SUGCT: variants seen among roughly 807,000 people sequenced by gnomAD.
The protein encoded by SUGCT is succinyl-CoA:glutarate-CoA transferase.
In SUGCT, 41 loss-of-function variants were observed where a neutral mutation model predicts 55.0. That is an observed-to-expected ratio of 0.74 (90% confidence interval 0.58 to 0.97). The LOEUF (loss-of-function observed/expected upper bound fraction) is 0.97. Among genes scored for constraint, SUGCT ranks in the 50% least tolerant of loss-of-function variants. SUGCT has a pLI of 0.00. For synonymous variants in SUGCT, 187 were observed against 200.4 expected, an observed-to-expected ratio of 0.93 and a Z score of 0.56; for missense variants, 568 against 547.8, an observed-to-expected ratio of 1.04 and a Z score of -0.37.
At chr7:40,957,318 A>G in the SUGCT span, among the ~76,000 whole-genome samples, 2 of 152,066 alleles carry the variant, frequency 1.3e-5, no homozygotes, top group African/African-American at 2.4e-5. Context: ...GGGTGCATAT[A>G]TATATTTAGG....
chr7:40,489,782 A>T (rs1253016000), intron 11 of SUGCT, among the ~76,000 whole-genome samples: 1 of 152,146 alleles, frequency 6.6e-6, no homozygotes, highest in Non-Finnish European at 1.5e-5. Flanking sequence ...CATGCACTTC[A>T]CTGATCTCTA....
intron 13 of SUGCT, among the ~76,000 whole-genome samples, chr7:40,754,590 G>A (rs1420337796): frequency 2.0e-5 from 3 of 152,194 alleles, no homozygotes; most frequent in South Asian, 4.1e-4. Flanking sequence ...TAGGTTGAGT[G>A]TTTCCTTGGA....
chr7:40,984,494 C>G, the SUGCT span, among the ~76,000 whole-genome samples: 1 of 152,060 alleles, frequency 6.6e-6, no homozygotes, highest in Non-Finnish European at 1.5e-5. Flanking sequence ...GCTTGTCTAC[C>G]CTATTATGCT....
chr7:40,595,021 A>G (rs1390343234), intron 12 of SUGCT, among the ~76,000 whole-genome samples: 2 of 152,212 alleles, frequency 1.3e-5, no homozygotes, highest in Non-Finnish European at 1.5e-5. Context: ...GGCCCTGAAT[A>G]TGAAAAAAGA....
chr7:40,657,319 A>C (rs1274261071), intron 12 of SUGCT, among the ~76,000 whole-genome samples: 1 of 152,122 alleles, frequency 6.6e-6, no homozygotes, highest in East Asian at 1.9e-4. Flanking sequence ...TAATTTTTCC[A>C]TGGTAGTGGT....
At chr7:40,313,280 T>C (rs1795258026) in intron 8 of SUGCT, among the ~76,000 whole-genome samples, 1 of 152,208 alleles carries the variant, frequency 6.6e-6, no homozygotes, top group Non-Finnish European at 1.5e-5. Flanking sequence ...GGAATGAAAG[T>C]AATGATCTAA....
At chr7:40,560,983 A>G (rs867389785) in intron 12 of SUGCT, among the ~76,000 whole-genome samples, 4 of 152,212 alleles carry the variant, frequency 2.6e-5, no homozygotes, top group African/African-American at 9.7e-5. Context: ...ATCCTTTGGG[A>G]AATGTTTTGA....
At chr7:40,393,038 A>G (rs994379744) in intron 9 of SUGCT, among the ~76,000 whole-genome samples, 24 of 152,324 alleles carry the variant, frequency 1.6e-4, no homozygotes, top group African/African-American at 5.3e-4. Flanking sequence ...GTGATAGTCA[A>G]CAGAAATTGA....
chr7:40,644,160 G>A (rs1044658607), intron 12 of SUGCT, among the ~76,000 whole-genome samples: 14 of 152,176 alleles, frequency 9.2e-5, no homozygotes, highest in Non-Finnish European at 1.6e-4. Context: ...TAGGAGGGGG[G>A]AAAGATGGCG....
chr7:41,016,084 T>C, the SUGCT span, among the ~76,000 whole-genome samples: 1 of 152,212 alleles, frequency 6.6e-6, no homozygotes, highest in African/African-American at 2.4e-5. Flanking sequence ...AATGTTCCCA[T>C]GTTCTAACCA....
At chr7:40,961,613 G>T in the SUGCT span, among the ~76,000 whole-genome samples, 1 of 152,134 alleles carries the variant, frequency 6.6e-6, no homozygotes, top group African/African-American at 2.4e-5. Flanking sequence ...CCTTCTGGTG[G>T]GTTCTTGGTC....
the SUGCT span, among the ~76,000 whole-genome samples, chr7:40,997,471 T>A: frequency 6.6e-6 from 1 of 152,090 alleles, no homozygotes; most frequent in Non-Finnish European, 1.5e-5. Context: ...TAAGCTTTGA[T>A]CACCAGACTG....
At chr7:40,453,375 A>G (rs1789298335) in intron 10 of SUGCT, among the ~76,000 whole-genome samples, 1 of 152,248 alleles carries the variant, frequency 6.6e-6, no homozygotes, top group Non-Finnish European at 1.5e-5. Flanking sequence ...AGGCAACTGG[A>G]AAATGCTAGA....
intron 13 of SUGCT, among the ~76,000 whole-genome samples, chr7:40,827,697 G>C (rs962186606): frequency 1.3e-5 from 2 of 152,128 alleles, no homozygotes; most frequent in Admixed American, 6.5e-5. Flanking sequence ...CAGGATACTT[G>C]ATCTGCAACT....
At chr7:40,608,065 T>C (rs1798610073) in intron 12 of SUGCT, among the ~76,000 whole-genome samples, 1 of 152,244 alleles carries the variant, frequency 6.6e-6, no homozygotes, top group Admixed American at 6.5e-5. Context: ...CTGAAACGTC[T>C]TCCTAATTTA....
At chr7:40,715,683 C>G (rs745466515) in intron 12 of SUGCT, among the ~76,000 whole-genome samples, 1 of 152,198 alleles carries the variant, frequency 6.6e-6, no homozygotes, top group Non-Finnish European at 1.5e-5. Context: ...GATTCCACCT[C>G]CTCTTCCTAT....
chr7:40,898,472 C>T, the SUGCT span, among the ~76,000 whole-genome samples: 8 of 5,068 alleles, frequency 1.6e-3, no homozygotes, highest in Non-Finnish European at 3.3e-3. Flanking sequence ...CCCAGCACTC[C>T]GGGAGGTCGG....
chr7:40,166,566 CCATT>C (rs1305124389), intron 1 of SUGCT, among the ~76,000 whole-genome samples: 2 of 152,054 alleles, frequency 1.3e-5, no homozygotes, highest in Admixed American at 1.3e-4. Context: ...CTTTATACGC[CCATT>C]CAAACAGCTA....
intron 12 of SUGCT, among the ~76,000 whole-genome samples, chr7:40,515,814 A>G (rs978422032): frequency 3.9e-5 from 6 of 152,194 alleles, no homozygotes; most frequent in Admixed American, 6.5e-5. Flanking sequence ...TGGTTTTCCA[A>G]TGTTCTGAGT....
Sources: allele counts gnomAD v4.1 joint callset (sites outside exome capture counted in the v4.1 genomes callset), GRCh38; gene constraint gnomAD v4.1.1; transcripts MANE v1.5; gene names NCBI Gene and HGNC (gene_info 2026-07-23, HGNC 2026-07-21).